Variants in ABCA7 observed in about 807,000 individuals in gnomAD.
ABCA7 encodes the protein phospholipid-transporting ATPase ABCA7.
ABCA7 carries 261 observed loss-of-function variants against 227.6 expected under a neutral mutation model. That is an observed-to-expected ratio of 1.15 (90% CI 1.04 to 1.27). The LOEUF (loss-of-function observed/expected upper bound fraction) is 1.27, where lower values mean the gene tolerates loss of function less well. Among genes scored for constraint, ABCA7 ranks in the 50% most tolerant of loss-of-function variants. ABCA7 has a pLI of 0.00. For missense variants in ABCA7, 3,331 were observed against 2,924.5 expected (o/e 1.14, Z -3.21); for synonymous variants, 1,488 against 1,279.7 (o/e 1.16, Z -3.47).
chr19:1,055,042 G>A (rs2042123082), intron 29 of ABCA7, 55 bp from the exon 30 acceptor site: 1 of 1,556,178 alleles, frequency 6.4e-7, no homozygotes, highest in South Asian at 1.2e-5. Flanking sequence ...GGTGCCCACA[G>A]ACCTTCACCT....
Position 1,064,228 on chromosome 19 carries a change from G to A in ABCA7, c.6019G>A (p.Gly2007Ser). The change falls in exon 45 of 47, where the codon GGC (glycine) becomes AGC (serine). Residue 2007 changes from glycine to serine, a missense_variant. Physicochemically the swap from Gly to Ser is moderately conservative, Grantham distance 56. Coordinates refer to ENST00000263094, the MANE Select transcript of ABCA7 (RefSeq NM_019112.4). ...GGTGAATGGGCGGTTCCGCTGCCTG[G>A]GCAGCCCGCAACATCTCAAGGGCAG... ...IMVNGRFRCL[G>S]SPQHLKGRFA... is the part of the protein sequence containing the mutation. 1.3e-6 allele frequency: 2 copies of A among 1,568,180 alleles called. No homozygotes were observed. The highest frequency in any genetic ancestry group is 1.7e-6 in the Non-Finnish European group (2 of 1,158,112).
chr19:1,044,924 G>A (rs928640181), intron 11 of ABCA7, 78 bp from the exon 12 acceptor site: 3 of 1,548,516 alleles, frequency 1.9e-6, no homozygotes, highest in East Asian at 2.3e-5. Context: ...GCCCAGCCCC[G>A]AGGTCCAGGG....
chr19:1,062,158 G>GC lies in ABCA7; in HGVS notation c.5571-9dup. The GC allele has an allele frequency of 6.2e-7, 1 of 1,610,172 alleles. No individual in the cohort carries two copies. ...CTAGCCAGCTCTCTGAGCCCCCGGC[G>GC]CCCCCATCCCCAGCGTGGCCCGGGA... On this transcript the variant is annotated splice_polypyrimidine_tract_variant and intron_variant, in intron 41 of 46. Transcript: ENST00000263094.
Position 1,054,271 on chromosome 19 carries a change from A to G in ABCA7, c.3656A>G (p.Gln1219Arg), listed in dbSNP as rs779755706. The G allele has an allele frequency of 8.7e-6, 14 of 1,608,502 alleles. No individual in the cohort carries two copies. In the African/African-American group the frequency reaches 9.4e-5, roughly 11 times the overall value. Residue 1219 changes from glutamine (Q) to arginine (R), a missense_variant, in exon 27 of 47, where the codon CAG becomes CGG. Coordinates refer to ENST00000263094, the MANE Select transcript of ABCA7 (RefSeq NM_019112.4). This position sits in a 1 kb window ranked among gnomAD's most constrained non-coding sequence, Gnocchi z 4.8. Reference sequence around the variant, plus strand: ...GTACAGGGCTGGGCACTGACCCGCCAGCAGCTCCAGGCCCTGCTTCTCAAG... The same window carrying G: ...GTACAGGGCTGGGCACTGACCCGCCGGCAGCTCCAGGCCCTGCTTCTCAAG... ...GRVQGWALTR[Q>R]QLQALLLKRF...
At chr19:1,042,442 A>C (rs1599550179) in intron 6 of ABCA7, 45 bp downstream of exon 6, 5 of 1,604,554 alleles carry the variant, frequency 3.1e-6, no homozygotes, top group Non-Finnish European at 3.4e-6. Context: ...GGGACACTGC[A>C]CTGGGGATGT....
At chr19:1,043,505 G>C in intron 9 of ABCA7, 32 bp downstream of exon 9, 1 of 1,612,898 alleles carries the variant, frequency 6.2e-7, no homozygotes, top group African/African-American at 1.3e-5. Flanking sequence ...GGGTGGGAGG[G>C]TGGTGGCCAG....
At position 1,045,029 on chromosome 19, in the gene ABCA7, G is replaced by T. The variant is rs2040474570; in HGVS notation, c.1243G>T (p.Ala415Ser). The change falls in exon 12 of 47, where the codon GCA (alanine) becomes TCA (serine). Residue 415 changes from alanine (A) to serine (S), a missense_variant. By Grantham distance (99) the Ala-to-Ser change is moderately conservative (BLOSUM62 1). Transcript: ENST00000263094. ...CCTGTCCTTGGACAAGCTGGAGGCG[G>T]CACCCTCAGAGGCAGCCCTGGTGTC... ...ECLSLDKLEA[A>S]PSEAALVSRA... 1 of 1,612,574 alleles carries T rather than the reference G, an allele frequency of 6.2e-7. No homozygotes were observed. Among genetic ancestry groups the T allele is most frequent in the African/African-American group, 1.3e-5 (1 of 74,892 alleles).
Position 1,057,351 on chromosome 19 carries a change from T to C in ABCA7, c.4802T>C (p.Ile1601Thr), listed in dbSNP as rs776155167. The change falls in exon 35 of 47, where the codon ATC becomes ACC. Residue 1601 changes from isoleucine to threonine, a missense_variant. Transcript: ENST00000263094. ...YLVPACIVVL[I>T]FLAFQQRAYV... The stretch of plus-strand genomic sequence containing the variant: ...GTGCCAGCATGCATCGTGGTGCTCA[T>C]CTTTCTGGCCTTCCAGCAGAGGGCA... The C allele has an allele frequency of 6.2e-7, 1 of 1,613,994 alleles. No individual in the cohort carries two copies. Among genetic ancestry groups the C allele is most frequent in the East Asian group, 2.2e-5 (1 of 44,892 alleles).
chr19:1,048,977 C>T lies in ABCA7; in HGVS notation c.2352C>T (p.Ala784=), dbSNP rs771575272. 1.2e-5 allele frequency: 19 copies of T among 1,603,880 alleles called. No homozygotes were observed. In the African/African-American group the frequency reaches 2.1e-4, roughly 18 times the overall value. The part of the protein sequence containing the change: ...WCGPRPPKSP[A]PCPTPLDPKV... ...GACCTCGGCCCCCCAAGAGTCCAGC[C>T]CCTTGCCCCACCCCGCTGGACCCAA... Residue 784 remains alanine (A), a synonymous_variant, in exon 17 of 47, where the codon GCC becomes GCT. Transcript: ENST00000263094.
In ABCA7 at chr19:1,041,224, G is replaced by C. The variant is rs966049507; in HGVS notation, c.-137-1G>C. ...ACTACTGTTTGCCTCGCTCTAATCA[G>C]AGCTTCCAGGAACCCTGCGCTGTGG... On this transcript the variant is annotated splice_acceptor_variant, in intron 1 of 46. Coordinates refer to ENST00000263094, the MANE Select transcript of ABCA7 (RefSeq NM_019112.4). LOFTEE classifies it low-confidence loss of function (5UTR_SPLICE). The C allele has an allele frequency of 2.2e-6, 2 of 893,462 alleles. No homozygotes were observed. The highest frequency in any genetic ancestry group is 1.8e-5 in the Admixed American group (1 of 56,848). The allele number at this position is 893,462 out of a possible 1,614,324, so 55.3% of individuals were successfully genotyped here. A position where few individuals can be genotyped will look rare whatever the true frequency, so the allele number is the denominator to read the frequency against.
At chr19:1,061,056 C>T (rs2042618431) in intron 40 of ABCA7, among the ~76,000 whole-genome samples, 1 of 152,266 alleles carries the variant, frequency 6.6e-6, no homozygotes, top group South Asian at 2.1e-4. Flanking sequence ...ATCTGCCTAG[C>T]TCCCCCGGGG....
chr19:1,053,360 C>G lies in ABCA7; in HGVS notation c.3252C>G (p.His1084Gln). 1 of 1,609,682 alleles carries G rather than the reference C, an allele frequency of 6.2e-7. No homozygotes were observed. The highest frequency in any genetic ancestry group is 8.5e-7 in the Non-Finnish European group (1 of 1,179,524). Residue 1084 changes from histidine to glutamine, a missense_variant, in exon 24 of 47, where the codon CAC becomes CAG. By Grantham distance (24) the His-to-Gln change is conservative (BLOSUM62 0). Transcript: ENST00000263094. ...GTPQLLALVQ[H>Q]WVPGARLVEE... ...CTCAGCTGCTGGCCCTGGTACAGCACTGGGTGCCCGGGGCACGGCTGGTGG... is the reference window on the plus strand; with the variant it reads ...CTCAGCTGCTGGCCCTGGTACAGCAGTGGGTGCCCGGGGCACGGCTGGTGG...
At chr19:1,042,432 G>A in intron 6 of ABCA7, 35 bp downstream of exon 6, 1 of 1,608,854 alleles carries the variant, frequency 6.2e-7, no homozygotes, top group Non-Finnish European at 8.5e-7. Context: ...CTGACTTCCT[G>A]GGACACTGCA....
rs1160404131 is a variant in ABCA7, at chr19:1,065,531, A to C, written c.*106A>C. ...GCTGGCAGAGGGGCTGGTGCCCTGG[A>C]GAAAATAAAGAGAAGGCTGGAGAGA... is the stretch of plus-strand genomic sequence containing the variant. On this transcript the variant is annotated 3_prime_UTR_variant, in exon 47 of 47. Transcript: ENST00000263094. 1 of 1,329,492 alleles carries C rather than the reference A, an allele frequency of 7.5e-7. No individual in the cohort carries two copies. The allele number at this position is 1,329,492 out of a possible 1,614,324, so 82.4% of individuals were successfully genotyped here. A position where few individuals can be genotyped will look rare whatever the true frequency, so the allele number is the denominator to read the frequency against.
chr19:1,047,411 C>A (rs747209087), intron 15 of ABCA7, 33 bp downstream of exon 15: 1 of 1,541,620 alleles, frequency 6.5e-7, no homozygotes, highest in Admixed American at 1.9e-5. Flanking sequence ...ATGGGGGACG[C>A]CCCCCGCTTC....
In ABCA7 at chr19:1,047,669, G is replaced by A; in HGVS notation, c.2269+15G>A. 6.3e-7 allele frequency: 1 copy of A among 1,579,302 alleles called. No individual in the cohort carries two copies. Among genetic ancestry groups the A allele is most frequent in the Non-Finnish European group, 8.6e-7 (1 of 1,167,104 alleles). On this transcript the variant is annotated intron_variant, in intron 16 of 46. Coordinates refer to ENST00000263094, the MANE Select transcript of ABCA7 (RefSeq NM_019112.4). ...TGTGTGCCCAGGTGGGCCGTAGGGGGCGGGGCTCCGGGCCGGGTCGCACCT... is the reference window on the plus strand; with the variant it reads ...TGTGTGCCCAGGTGGGCCGTAGGGGACGGGGCTCCGGGCCGGGTCGCACCT...
Position 1,043,092 on chromosome 19 carries a change from C to A in ABCA7, c.631C>A (p.Arg211=). 1 of 1,612,334 alleles carries A rather than the reference C, an allele frequency of 6.2e-7. No homozygotes were observed. Among genetic ancestry groups the A allele is most frequent in the Non-Finnish European group, 8.5e-7 (1 of 1,179,486 alleles). Residue 211 remains arginine, a synonymous_variant, in exon 8 of 47, where the codon CGA becomes AGA. Transcript: ENST00000263094. ...GCTTCGGGCACTGCTGCAGAGACCC[C>A]GAGGGACCAGCGGCCCCCTGGAGTT... ...VELRALLQRP[R]GTSGPLELLS... is the part of the protein sequence containing the mutation.
intron 1 of ABCA7, 112 bp from the exon 2 acceptor site, chr19:1,041,113 C>A (rs2039990249): frequency 3.2e-5 from 19 of 586,344 alleles, no homozygotes; most frequent in South Asian, 1.4e-4. Context: ...ACAGTCCTGG[C>A]AGCCAATCAG....
At chr19:1,052,735 G>A (rs2041886048) in intron 23 of ABCA7, among the ~76,000 whole-genome samples, 1 of 148,338 alleles carries the variant, frequency 6.7e-6, no homozygotes, top group Non-Finnish European at 1.5e-5. Context: ...AAGGAGAGGA[G>A]GAGGAGAGCA....
Sources: allele counts gnomAD v4.1 joint callset (sites outside exome capture counted in the v4.1 genomes callset), GRCh38; gene constraint gnomAD v4.1.1; non-coding constraint Gnocchi (gnomAD v3.1); transcripts MANE v1.5; gene names NCBI Gene and HGNC (gene_info 2026-07-23, HGNC 2026-07-21).